The following FBLN1 variants were observed in gnomAD, a reference collection of about 807,000 sequenced individuals.
The protein encoded by FBLN1 is fibulin-1.
In FBLN1, 34 loss-of-function variants were observed where a neutral mutation model predicts 89.7. The observed-to-expected ratio is 0.38, with a 90% confidence interval of 0.29 to 0.50. The LOEUF (loss-of-function observed/expected upper bound fraction) is 0.50. FBLN1 is among the 20% of genes least tolerant of loss of function. The pLI, the probability that FBLN1 is intolerant of heterozygous loss-of-function variation, is 0.92. For synonymous variants in FBLN1, 393 were observed against 391.3 expected (o/e 1.00, Z -0.05); for missense variants, 777 against 988.1 (o/e 0.79, Z 2.86).
intron 16 of FBLN1, among the ~76,000 whole-genome samples, chr22:45,589,159 A>G (rs2089114919): frequency 6.6e-6 from 1 of 151,046 alleles, no homozygotes; most frequent in Admixed American, 6.6e-5. Context: ...TTTTATATAT[A>G]ACTTGCTCCT....
At chr22:45,596,679 CATAATATG>C (rs1410274156) in intron 16 of FBLN1, among the ~76,000 whole-genome samples, 1 of 132,808 alleles carries the variant, frequency 7.5e-6, no homozygotes, top group African/African-American at 3.4e-5. Context: ...CATATAGCAA[CATAATATG>C]ATAATTATAT....
chr22:45,534,963 C>T (rs1001922204), intron 7 of FBLN1, among the ~76,000 whole-genome samples: 3 of 152,192 alleles, frequency 2.0e-5, no homozygotes, highest in Non-Finnish European at 2.9e-5. Flanking sequence ...TTTATTATAA[C>T]AGACAGTTTG....
At chr22:45,547,704 A>G (rs901452320) in intron 12 of FBLN1, among the ~76,000 whole-genome samples, 12 of 152,006 alleles carry the variant, frequency 7.9e-5, no homozygotes, top group African/African-American at 2.7e-4. Flanking sequence ...CTGGCCCCCA[A>G]CTGAAATTCT....
chr22:45,559,049 G>A (rs910442497), intron 14 of FBLN1, among the ~76,000 whole-genome samples: 5 of 152,228 alleles, frequency 3.3e-5, no homozygotes, highest in South Asian at 4.1e-4. Context: ...ACACAAAGCC[G>A]GAGAGTTGAT....
chr22:45,595,446 A>T (rs1284795364), intron 16 of FBLN1, among the ~76,000 whole-genome samples: 1 of 152,178 alleles, frequency 6.6e-6, no homozygotes, highest in Non-Finnish European at 1.5e-5. Flanking sequence ...CCAGGCCCCG[A>T]ATCTGACCAT....
In FBLN1 at chr22:45,557,316, T is replaced by G. The variant is rs981530757; in HGVS notation, c.1697+6701T>G. Reference sequence around the variant, plus strand: ...GGCAAACCCATATCCAGAGTAAGTGTCTATTCCGGTGAGGACAAACCTCTG... The same window carrying G: ...GGCAAACCCATATCCAGAGTAAGTGGCTATTCCGGTGAGGACAAACCTCTG... On this transcript the variant is annotated intron_variant, in intron 14 of 16. Transcript: ENST00000327858. This position sits in a 1 kb window ranked among gnomAD's most constrained non-coding sequence, Gnocchi z 4.9. Among the ~76,000 whole-genome samples, 33 of 152,272 alleles carry G rather than the reference T, an allele frequency of 2.2e-4. No homozygotes were observed. Among genetic ancestry groups the G allele is most frequent in the African/African-American group, 7.5e-4 (31 of 41,554 alleles).
chr22:45,539,880 G>A (rs528591005), intron 8 of FBLN1, among the ~76,000 whole-genome samples: 31 of 152,290 alleles, frequency 2.0e-4, no homozygotes, highest in Middle Eastern at 3.4e-3. Flanking sequence ...AACCTGCAGC[G>A]CCAGTGGGAA....
intron 4 of FBLN1, among the ~76,000 whole-genome samples, chr22:45,529,954 A>C (rs2088382074): frequency 6.6e-6 from 1 of 152,210 alleles, no homozygotes; most frequent in African/African-American, 2.4e-5. Context: ...CTCTAAGTCA[A>C]GGTAATGGCT....
chr22:45,509,551 G>T (rs2088070339), intron 1 of FBLN1, among the ~76,000 whole-genome samples: 1 of 151,614 alleles, frequency 6.6e-6, no homozygotes, highest in East Asian at 1.9e-4. Flanking sequence ...ACACGAGTCT[G>T]TCCTCATCCT....
intron 14 of FBLN1, chr22:45,564,809 C>A: frequency 6.3e-7 from 1 of 1,581,682 alleles, no homozygotes. Context: ...GTTCAGGGAA[C>A]AGATGACTCT....
chr22:45,548,556 C>A, intron 12 of FBLN1, 57 bp from the exon 13 acceptor site: 1 of 1,607,530 alleles, frequency 6.2e-7, no homozygotes, highest in African/African-American at 1.3e-5. Context: ...GTAGCATGGC[C>A]AGCAGCCATG....
chr22:45,534,292 C>CAAAAAAAAAAAAAAAAAAAAAAAAAAA (rs136746), intron 7 of FBLN1, among the ~76,000 whole-genome samples: 6 of 83,208 alleles, frequency 7.2e-5, no homozygotes, highest in Admixed American at 3.3e-4. Flanking sequence ...GTACTTTCTA[C>CAAAAAAAAAAAAAAAAAAAAAAAAAAA]AAAAAAAAAA....
In FBLN1 at chr22:45,590,233, C is replaced by T. The variant is rs1019635891; in HGVS notation, c.1973-10074C>T. Among the ~76,000 whole-genome samples, 1 of 152,246 alleles carries T rather than the reference C, an allele frequency of 6.6e-6. No homozygotes were observed. The highest frequency in any genetic ancestry group is 2.4e-5 in the African/African-American group (1 of 41,460). ...CGCCAGGCCAGCCTCTCTTCCCCCC[C>T]ATCCCTCCAGACCTTCATTGCATCT... On this transcript the variant is annotated intron_variant, in intron 16 of 16. Transcript: ENST00000327858. The surrounding 1 kb of genome is among the most constrained non-coding windows in gnomAD (Gnocchi z 4.1).
In FBLN1 at chr22:45,561,622, C is replaced by T. The variant is rs2088851569; in HGVS notation, c.1697+11007C>T. On this transcript the variant is annotated intron_variant, in intron 14 of 16. Coordinates refer to ENST00000327858, the MANE Select transcript of FBLN1 (RefSeq NM_006486.3). This position sits in a 1 kb window ranked among gnomAD's most constrained non-coding sequence, Gnocchi z 4.7. ...CAGCCAACCCCAGAAACCCCAAAAC[C>T]AATGAAAGAACTCCATCTTTAATAT... 2.6e-5 allele frequency among the ~76,000 whole-genome samples: 4 copies of T among 152,168 alleles called. No individual in the cohort carries two copies. The highest frequency in any genetic ancestry group is 4.8e-5 in the African/African-American group (2 of 41,418).
chr22:45,546,329 G>T (rs986614671), intron 11 of FBLN1, among the ~76,000 whole-genome samples: 5 of 152,196 alleles, frequency 3.3e-5, no homozygotes, highest in Admixed American at 6.5e-5. Flanking sequence ...CAATTCTCCT[G>T]CTTCAGCCTC....
Position 45,543,474 on chromosome 22 carries a change from C to A in FBLN1, c.1269C>A (p.Leu423=). Residue 423 remains leucine, a synonymous_variant, in exon 11 of 17, where the codon CTC becomes CTA. Coordinates refer to ENST00000327858, the MANE Select transcript of FBLN1 (RefSeq NM_006486.3). ...HKCENTLGSY[L]CSCSVGFRLS... Reference sequence around the variant, plus strand: ...GCGAGAACACGCTGGGCTCCTACCTCTGCAGCTGTTCCGTGGGCTTCCGGC... The same window carrying A: ...GCGAGAACACGCTGGGCTCCTACCTATGCAGCTGTTCCGTGGGCTTCCGGC... The A allele has an allele frequency of 6.2e-7, 1 of 1,614,000 alleles. No homozygotes were observed. Among genetic ancestry groups the A allele is most frequent in the Middle Eastern group, 1.7e-4 (1 of 6,056 alleles).
Position 45,577,428 on chromosome 22 carries a change from T to C in FBLN1, c.1972+320T>C, listed in dbSNP as rs2147029734. ...CCTCACAACCATGAATTTCAAATGA[T>C]ACCACCCAAGTAAAGTGCTTGTCCT... On this transcript the variant is annotated intron_variant, in intron 16 of 16. Transcript: ENST00000327858. The surrounding 1 kb of genome is among the most constrained non-coding windows in gnomAD (Gnocchi z 6.6). Among the ~76,000 whole-genome samples the C allele has an allele frequency of 1.3e-5, 2 of 152,244 alleles. No individual in the cohort carries two copies. The highest frequency in any genetic ancestry group is 4.8e-5 in the African/African-American group (2 of 41,562).
At chr22:45,596,494 C>G (rs1305791840) in intron 16 of FBLN1, among the ~76,000 whole-genome samples, 1 of 152,002 alleles carries the variant, frequency 6.6e-6, no homozygotes, top group Non-Finnish European at 1.5e-5. Flanking sequence ...AATGGTCCCA[C>G]ATGCACCAGG....
chr22:45,506,093 A>G (rs1486335095), intron 1 of FBLN1, among the ~76,000 whole-genome samples: 11 of 152,280 alleles, frequency 7.2e-5, no homozygotes, highest in Admixed American at 3.3e-4. Context: ...AATGTTAGCT[A>G]TTATTCCTGT....
Sources: gnomAD v4.1 joint callset for allele counts (sites outside exome capture counted in the v4.1 genomes callset) on GRCh38, gnomAD v4.1.1 for gene constraint, Gnocchi (gnomAD v3.1) non-coding constraint, MANE v1.5 for transcripts, NCBI Gene and HGNC (gene_info 2026-07-23, HGNC 2026-07-21) for gene names.